Variants in CHD1L observed in about 807,000 individuals in gnomAD.
CHD1L encodes chromodomain helicase DNA binding protein 1 like.
In CHD1L, 118 loss-of-function variants were observed where a neutral mutation model predicts 115.9. The observed-to-expected ratio is 1.02, with a 90% CI of 0.88 to 1.19. CHD1L has a LOEUF of 1.19. Ranked by LOEUF, CHD1L falls within the 50% of genes most tolerant of loss-of-function variation. The pLI is 0.00. For synonymous variants in CHD1L, 411 were observed against 387.1 expected (o/e 1.06, Z -0.72); for missense variants, 1,179 against 1,065.3 (o/e 1.11, Z -1.49).
the CHD1L span, among the ~76,000 whole-genome samples, chr1:147,197,489 A>G: frequency 6.6e-6 from 1 of 152,058 alleles, no homozygotes; most frequent in Non-Finnish European, 1.5e-5. Flanking sequence ...GTGTCATGGG[A>G]GGGGCCTGGT....
the CHD1L span, chr1:147,187,373 G>A: frequency 3.0e-6 from 2 of 662,942 alleles, no homozygotes; most frequent in Non-Finnish European, 5.1e-6. Context: ...AGAGAAGAAA[G>A]ATAAAACATT....
At chr1:147,233,643 G>A in the CHD1L span, among the ~76,000 whole-genome samples, 1 of 152,208 alleles carries the variant, frequency 6.6e-6, no homozygotes, top group Non-Finnish European at 1.5e-5. Flanking sequence ...TGGCGGTTGT[G>A]GAATAGAAAG....
the CHD1L span, chr1:147,184,404 C>CATACTTTATT: frequency 1.5e-6 from 2 of 1,301,084 alleles, no homozygotes; most frequent in East Asian, 2.8e-5. This position sits in a 1 kb window ranked among gnomAD's most constrained non-coding sequence, Gnocchi z 4.4. Context: ...AACCAAAATG[C>CATACTTTATT]ATACTTTATT....
the CHD1L span, among the ~76,000 whole-genome samples, chr1:147,177,494 A>T: frequency 6.6e-6 from 1 of 152,150 alleles, no homozygotes; most frequent in Non-Finnish European, 1.5e-5. Context: ...CAAGCCTAGT[A>T]AATGTTTTTC....
At chr1:147,218,457 C>T in the CHD1L span, among the ~76,000 whole-genome samples, 465 of 152,038 alleles carry the variant, frequency 3.1e-3, 1 homozygote, top group Middle Eastern at 0.021. Context: ...AGGCTGGACT[C>T]GATCTCCTGA....
upstream of CHD1L, among the ~76,000 whole-genome samples, chr1:147,240,098 C>G (rs1215162474): frequency 1.3e-5 from 2 of 152,184 alleles, no homozygotes; most frequent in Admixed American, 1.3e-4. Context: ...TTAATCCTAC[C>G]TTGTGGGGAA....
At chr1:147,237,568 A>G in the CHD1L span, among the ~76,000 whole-genome samples, 1 of 152,126 alleles carries the variant, frequency 6.6e-6, no homozygotes, top group Non-Finnish European at 1.5e-5. Context: ...CAGGGCCTCC[A>G]CCTGTTCCTG....
intron 5 of CHD1L, 107 bp downstream of exon 5, chr1:147,256,669 T>TA (rs1399258160): frequency 9.3e-7 from 1 of 1,074,058 alleles, no homozygotes; most frequent in Non-Finnish European, 1.4e-6. Flanking sequence ...TGGTATGTCT[T>TA]CCATGAGTTC....
the CHD1L span, among the ~76,000 whole-genome samples, chr1:147,181,910 GAA>G: frequency 6.6e-6 from 1 of 152,194 alleles, no homozygotes; most frequent in Non-Finnish European, 1.5e-5. Flanking sequence ...TGAATGAACT[GAA>G]AAGGTAGGAG....
In CHD1L at chr1:147,290,956, T is replaced by G. The variant is rs184141729; in HGVS notation, c.2321-526T>G. ...TCATGAGTCACTGTGCTCGGCCATATATGTCAGTTTTTAACACAAGCATCT... is the reference window on the plus strand; with the variant it reads ...TCATGAGTCACTGTGCTCGGCCATAGATGTCAGTTTTTAACACAAGCATCT... On this transcript the variant is annotated intron_variant, in intron 19 of 22. Coordinates refer to ENST00000369258, the MANE Select transcript of CHD1L (RefSeq NM_004284.6). Among the ~76,000 whole-genome samples, 5 of 152,298 alleles carry G rather than the reference T, an allele frequency of 3.3e-5. No individual in the cohort carries two copies. The East Asian group carries it at 9.6e-4, about 29-fold the overall frequency.
the CHD1L span, chr1:147,212,426 A>T: frequency 6.2e-7 from 1 of 1,614,102 alleles, no homozygotes; most frequent in Non-Finnish European, 8.5e-7. Flanking sequence ...CTACAGCCAG[A>T]TCCCCTCCAG....
At chr1:147,195,379 C>T in the CHD1L span, among the ~76,000 whole-genome samples, 98 of 152,150 alleles carry the variant, frequency 6.4e-4, 1 homozygote, top group African/African-American at 2.2e-3. Context: ...ATGATCCACC[C>T]GTCTCTGCAT....
chr1:147,267,042 A>G (rs768666794), intron 8 of CHD1L, among the ~76,000 whole-genome samples: 70 of 152,326 alleles, frequency 4.6e-4, no homozygotes, highest in Admixed American at 7.2e-4. Flanking sequence ...AAGAGAGTGC[A>G]AAACTTTTTT....
chr1:147,186,063 A>G, the CHD1L span, among the ~76,000 whole-genome samples: 1 of 152,208 alleles, frequency 6.6e-6, no homozygotes, highest in East Asian at 1.9e-4. Flanking sequence ...GAATCAAATC[A>G]CATTTGTAGA....
the CHD1L span, chr1:147,179,060 T>C: frequency 6.2e-7 from 1 of 1,613,738 alleles, no homozygotes. Context: ...GATTTTGGCT[T>C]GGAGAGCACT....
the CHD1L span, among the ~76,000 whole-genome samples, chr1:147,235,127 G>A: frequency 6.6e-6 from 1 of 150,514 alleles, no homozygotes; most frequent in African/African-American, 2.5e-5. Flanking sequence ...GTGTGTATGT[G>A]TGTGTGTATT....
chr1:147,220,658 G>C, the CHD1L span, among the ~76,000 whole-genome samples: 1 of 152,130 alleles, frequency 6.6e-6, no homozygotes, highest in Non-Finnish European at 1.5e-5. Flanking sequence ...GGTTTTTATA[G>C]TTTTAGATTT....
At chr1:147,184,329 T>G in the CHD1L span, 1 of 728,000 alleles carries the variant, frequency 1.4e-6, no homozygotes, top group Non-Finnish European at 1.9e-6. The surrounding 1 kb of genome is among the most constrained non-coding windows in gnomAD (Gnocchi z 4.4). Context: ...TTTCCTTTAT[T>G]GTTGACATTT....
At chr1:147,223,943 G>C in the CHD1L span, 3 of 376,066 alleles carry the variant, frequency 8.0e-6, no homozygotes, top group African/African-American at 2.1e-5. Flanking sequence ...TACCCCCATC[G>C]AGACACCACC....
Sources: allele counts gnomAD v4.1 joint callset (sites outside exome capture counted in the v4.1 genomes callset), GRCh38; gene constraint gnomAD v4.1.1; non-coding constraint Gnocchi (gnomAD v3.1); transcripts MANE v1.5; gene names NCBI Gene and HGNC (gene_info 2026-07-23, HGNC 2026-07-21).